The following NET1 variants were observed in gnomAD, a reference collection of about 807,000 sequenced individuals.
NET1 encodes the protein neuroepithelial cell transforming 1.
In NET1, 42 loss-of-function variants were observed where a neutral mutation model predicts 61.1. The observed-to-expected ratio is 0.69, with a 90% CI of 0.54 to 0.89. The LOEUF (loss-of-function observed/expected upper bound fraction) is 0.89. Among genes scored for constraint, NET1 ranks in the 40% least tolerant of loss-of-function variants. NET1 has a pLI of 0.00. For missense variants in NET1, 654 were observed against 747.3 expected, an observed-to-expected ratio of 0.88 and a Z score of 1.46; for synonymous variants, 254 against 281.8, an observed-to-expected ratio of 0.90 and a Z score of 0.99.
chr10:5,418,980 A>G (rs1588422843), intron 1 of NET1, among the ~76,000 whole-genome samples: 1 of 152,134 alleles, frequency 6.6e-6, no homozygotes. Context: ...AATTTTTTCT[A>G]ATTTCATTAC....
At position 5,452,440 on chromosome 10, in the gene NET1, A is replaced by G. The variant is rs1185961933; in HGVS notation, c.446A>G (p.Lys149Arg). 6.2e-7 allele frequency: 1 copy of G among 1,614,144 alleles called. No individual in the cohort carries two copies. Among genetic ancestry groups the G allele is most frequent in the Admixed American group, 1.7e-5 (1 of 60,014 alleles). The change falls in exon 5 of 12, where the codon AAG becomes AGG. Residue 149 changes from lysine to arginine, a missense_variant. Transcript: ENST00000355029. This position sits in a 1 kb window ranked among gnomAD's most constrained non-coding sequence, Gnocchi z 4.0. ...AGGTCAACAGTCCCAACACCCGCCA[A>G]GAGAAGGAGCAGTGCACTGTGGTCA... ...SSRSTVPTPAKRRSSALWSEM... is the reference protein window; with the variant it reads ...SSRSTVPTPARRRSSALWSEM...
intron 1 of NET1, among the ~76,000 whole-genome samples, chr10:5,418,301 T>C (rs1832113656): frequency 6.6e-6 from 1 of 152,076 alleles, no homozygotes; most frequent in African/African-American, 2.4e-5. Context: ...GGATAGTTTA[T>C]TATTATTATT....
Position 5,419,706 on chromosome 10 carries a change from T to TTTGTTGTTGTTGTTG in NET1, c.128+6901_128+6915dup, listed in dbSNP as rs71388430. ...TTCTCTGTTTGTTTTTTTTCTTTGT[T>TTTGTTGTTGTTGTTG]TTGTTGTTGTTGTTGTTGTTGTTGT... On this transcript the variant is annotated intron_variant, in intron 1 of 11. Coordinates refer to ENST00000355029, the MANE Select transcript of NET1 (RefSeq NM_001047160.3). Among the ~76,000 whole-genome samples the TTTGTTGTTGTTGTTG allele has an allele frequency of 3.3e-5, 5 of 151,022 alleles. No individual in the cohort carries two copies. In the East Asian group the frequency reaches 7.8e-4, roughly 24 times the overall value.
Position 5,455,136 on chromosome 10 carries a change from C to T in NET1, c.1197+18C>T. ...GTGGACATGTAGGTGACTTTTGCTG[C>T]CGTGGCAGAGCAGCCTTCCCTCCTG... is the stretch of plus-strand genomic sequence containing the variant. On this transcript the variant is annotated intron_variant, in intron 10 of 11. Coordinates refer to ENST00000355029, the MANE Select transcript of NET1 (RefSeq NM_001047160.3). The surrounding 1 kb of genome is among the most constrained non-coding windows in gnomAD (Gnocchi z 6.5). The T allele has an allele frequency of 6.2e-7, 1 of 1,610,896 alleles. No individual in the cohort carries two copies. The highest frequency in any genetic ancestry group is 1.1e-5 in the South Asian group (1 of 90,922).
Position 5,453,297 on chromosome 10 carries a change from A to G in NET1, c.642A>G (p.Glu214=), listed in dbSNP as rs1832738428. Residue 214 remains glutamate (E), a synonymous_variant, in exon 7 of 12, where the codon GAA becomes GAG. Transcript: ENST00000355029. The surrounding 1 kb of genome is among the most constrained non-coding windows in gnomAD (Gnocchi z 4.9). ...AGTTGTCCATCATGTCAGAAGAGGA[A>G]CTCACACATATATTTGGTGATCTGG... The part of the protein sequence containing the change: ...MLKLSIMSEE[E]LTHIFGDLDS... The G allele has an allele frequency of 1.2e-6, 2 of 1,613,032 alleles. No homozygotes were observed. Among genetic ancestry groups the G allele is most frequent in the South Asian group, 2.2e-5 (2 of 91,056 alleles).
rs1376833313 is a variant in NET1, at chr10:5,454,703, C to T, written c.1026+181C>T. On this transcript the variant is annotated intron_variant, in intron 9 of 11. Transcript: ENST00000355029. This position sits in a 1 kb window ranked among gnomAD's most constrained non-coding sequence, Gnocchi z 8.1. ...AAGGAGCTGTGTATGCTGGACTTCG[C>T]ACATTTTGTATCTTAAGGGACAGGA... Among the ~76,000 whole-genome samples the T allele has an allele frequency of 6.6e-6, 1 of 152,232 alleles. No homozygotes were observed. The highest frequency in any genetic ancestry group is 1.5e-5 in the Non-Finnish European group (1 of 68,044).
In NET1 at chr10:5,426,058, AAC is replaced by A. The variant is rs1235471450; in HGVS notation, c.129-593_129-592del. Among the ~76,000 whole-genome samples the A allele has an allele frequency of 1.3e-5, 2 of 152,220 alleles. No individual in the cohort carries two copies. The highest frequency in any genetic ancestry group is 1.3e-4 in the Admixed American group (2 of 15,288). On this transcript the variant is annotated intron_variant, in intron 1 of 11. Transcript: ENST00000355029. This position sits in a 1 kb window ranked among gnomAD's most constrained non-coding sequence, Gnocchi z 4.6. ...ATGTGTTTACATTGAATGGAAAAGA[AAC>A]ACAGAAAAATCTTTTAATAGTAAAG...
Position 5,454,366 on chromosome 10 carries a change from C to G in NET1, c.870C>G (p.Leu290=). Residue 290 remains leucine (L), a synonymous_variant, in exon 9 of 12, where the codon CTC becomes CTG. Transcript: ENST00000355029. This position sits in a 1 kb window ranked among gnomAD's most constrained non-coding sequence, Gnocchi z 8.1. ...AGGATCCAAGAGTCCAAGACTTCCT[C>G]CAGCGATGTCTCGAGTCTCCCTTCA... ...KKQDPRVQDF[L]QRCLESPFSR... 1 of 1,614,174 alleles carries G rather than the reference C, an allele frequency of 6.2e-7. No homozygotes were observed. The highest frequency in any genetic ancestry group is 1.1e-5 in the South Asian group (1 of 91,078).
In NET1 at chr10:5,426,808, CCTTA is replaced by C; in HGVS notation, c.195+91_195+94del. The C allele has an allele frequency of 1.2e-6, 1 of 864,890 alleles. No individual in the cohort carries two copies. 53.6% of individuals were successfully genotyped at this position (864,890 alleles called of 1,614,324 possible). On this transcript the variant is annotated intron_variant, in intron 2 of 11. Transcript: ENST00000355029. The surrounding 1 kb of genome is among the most constrained non-coding windows in gnomAD (Gnocchi z 4.6). Reference sequence around the variant, plus strand: ...TCAGTCTGTTACACAGATCAGTGGTCCTTACTTCTGAGGGTCTTGAGGAACAGAA... The same window carrying C: ...TCAGTCTGTTACACAGATCAGTGGTCCTTCTGAGGGTCTTGAGGAACAGAA...
At chr10:5,428,159 T>C (rs1200304578) in intron 2 of NET1, among the ~76,000 whole-genome samples, 1 of 151,810 alleles carries the variant, frequency 6.6e-6, no homozygotes, top group African/African-American at 2.4e-5. Flanking sequence ...GAACCCTAAC[T>C]AGTCACTTTT....
rs1388717589 is a variant in NET1 at position 5,440,634 on chromosome 10, A to G, written c.256-11196A>G. Among the ~76,000 whole-genome samples the G allele has an allele frequency of 6.6e-6, 1 of 152,084 alleles. No homozygotes were observed. The highest frequency in any genetic ancestry group is 1.5e-5 in the Non-Finnish European group (1 of 68,022). On this transcript the variant is annotated intron_variant, in intron 3 of 11. Transcript: ENST00000355029. This position sits in a 1 kb window ranked among gnomAD's most constrained non-coding sequence, Gnocchi z 4.1. ...TCTTGGCCCAGGTGTAAGGGGTGAA[A>G]TTTCAGGGACTCCCACTTAGCTATT...
intron 3 of NET1, among the ~76,000 whole-genome samples, chr10:5,438,220 A>G (rs1190633280): frequency 6.6e-6 from 1 of 152,198 alleles, no homozygotes; most frequent in African/African-American, 2.4e-5. Context: ...CTTAACCCAA[A>G]GCTGGCAAAT....
Position 5,454,199 on chromosome 10 carries a change from G to C in NET1, c.769-66G>C. On this transcript the variant is annotated intron_variant, in intron 8 of 11. Coordinates refer to ENST00000355029, the MANE Select transcript of NET1 (RefSeq NM_001047160.3). The surrounding 1 kb of genome is among the most constrained non-coding windows in gnomAD (Gnocchi z 8.1). ...GCTGTACATTTTGTGTTTCATGTTTGCAGGCTTGTTAATGCACTCGGTCAT... is the reference window on the plus strand; with the variant it reads ...GCTGTACATTTTGTGTTTCATGTTTCCAGGCTTGTTAATGCACTCGGTCAT... 6.7e-7 allele frequency: 1 copy of C among 1,490,606 alleles called. No individual in the cohort carries two copies. Among genetic ancestry groups the C allele is most frequent in the Non-Finnish European group, 9.1e-7 (1 of 1,104,598 alleles). 92.3% of individuals were successfully genotyped at this position (1,490,606 alleles called of 1,614,324 possible).
In NET1 at chr10:5,435,040, C is replaced by T. The variant is rs1166936990; in HGVS notation, c.255+5811C>T. Among the ~76,000 whole-genome samples, 1 of 152,148 alleles carries T rather than the reference C, an allele frequency of 6.6e-6. No individual in the cohort carries two copies. Among genetic ancestry groups the T allele is most frequent in the Non-Finnish European group, 1.5e-5 (1 of 68,028 alleles). On this transcript the variant is annotated intron_variant, in intron 3 of 11. Transcript: ENST00000355029. This position sits in a 1 kb window ranked among gnomAD's most constrained non-coding sequence, Gnocchi z 5.0. ...ACAAAAGGCTTGAAGTTCTGATGAT[C>T]CCAGTAGCATTAAGCTGTATTTATA...
Position 5,415,800 on chromosome 10 carries a change from T to A in NET1, c.128+2980T>A, listed in dbSNP as rs540380761. ...AAGAGTTCTTTATTCTGGATACAAG[T>A]CCCTTATCAGATAGATTATTTGCAA... On this transcript the variant is annotated intron_variant, in intron 1 of 11. Transcript: ENST00000355029. This position sits in a 1 kb window ranked among gnomAD's most constrained non-coding sequence, Gnocchi z 4.7. 6.6e-6 allele frequency among the ~76,000 whole-genome samples: 1 copy of A among 152,306 alleles called. No homozygotes were observed. The highest frequency in any genetic ancestry group is 1.5e-5 in the Non-Finnish European group (1 of 68,018).
chr10:5,453,431 C>T lies in NET1; in HGVS notation c.692-53C>T. 2 of 1,592,304 alleles carry T rather than the reference C, an allele frequency of 1.3e-6. No individual in the cohort carries two copies. The highest frequency in any genetic ancestry group is 8.6e-7 in the Non-Finnish European group (1 of 1,160,196). On this transcript the variant is annotated intron_variant, in intron 7 of 11. Coordinates refer to ENST00000355029, the MANE Select transcript of NET1 (RefSeq NM_001047160.3). The surrounding 1 kb of genome is among the most constrained non-coding windows in gnomAD (Gnocchi z 4.9). Reference sequence around the variant, plus strand: ...GTCTAAACTTCTAATGTAGTGCTGACCTATTTTTTAAATAAACCTGTTAAT... The same window carrying T: ...GTCTAAACTTCTAATGTAGTGCTGATCTATTTTTTAAATAAACCTGTTAAT...
Position 5,412,558 on chromosome 10 carries a change from AATCCCCGG to A in NET1, c.-132_-125del. 2 of 983,446 alleles carry A rather than the reference AATCCCCGG, an allele frequency of 2.0e-6. No homozygotes were observed. Among genetic ancestry groups the A allele is most frequent in the Non-Finnish European group, 2.8e-6 (2 of 716,880 alleles). 60.9% of individuals were successfully genotyped at this position (983,446 alleles called of 1,614,324 possible). Reference sequence around the variant, plus strand: ...GATCGCTGCTCAGCCGCCATTTTCAAATCCCCGGATGACGGCGGTGGCGGCTGCAGTCC... The same window carrying A: ...GATCGCTGCTCAGCCGCCATTTTCAAATGACGGCGGTGGCGGCTGCAGTCC... On this transcript the variant is annotated 5_prime_UTR_variant, in exon 1 of 12. In the 5' UTR this introduces an upstream ATG that the reference lacks. Transcript: ENST00000355029. The surrounding 1 kb of genome is among the most constrained non-coding windows in gnomAD (Gnocchi z 6.5).
chr10:5,436,248 ATTTTTTT>A (rs1190534260), intron 3 of NET1, among the ~76,000 whole-genome samples: 447 of 18,402 alleles, frequency 0.024, 3 homozygotes, highest in Non-Finnish European at 0.031. Context: ...ATATATATAT[ATTTTTTT>A]TTTTTTTTTT....
intron 3 of NET1, among the ~76,000 whole-genome samples, chr10:5,433,845 T>C (rs1301823385): frequency 6.6e-6 from 1 of 152,108 alleles, no homozygotes; most frequent in Non-Finnish European, 1.5e-5. Flanking sequence ...CTCAAAACTT[T>C]TTATCTTTTT....
Sources: allele counts gnomAD v4.1 joint callset (sites outside exome capture counted in the v4.1 genomes callset), GRCh38; gene constraint gnomAD v4.1.1; non-coding constraint Gnocchi (gnomAD v3.1); transcripts MANE v1.5; gene names NCBI Gene and HGNC (gene_info 2026-07-23, HGNC 2026-07-21).